RFX7: variants seen among roughly 807,000 people sequenced by gnomAD.
RFX7 encodes the protein DNA-binding protein RFX7.
Under a neutral mutation model 111.8 loss-of-function variants are expected in RFX7, and 26 were observed. The ratio of observed to expected loss-of-function variants is 0.23; its 90% CI spans 0.17 to 0.32. RFX7 has a LOEUF of 0.32. RFX7 is among the 10% of genes least tolerant of loss of function. The pLI is 1.00. For missense variants in RFX7, 1,573 were observed against 1,772.9 expected (o/e 0.89, Z 2.02); for synonymous variants, 624 against 624.4 (o/e 1.00, Z 0.01).
At chr15:56,137,315 T>G (rs1473439744) in intron 5 of RFX7, among the ~76,000 whole-genome samples, 23 of 152,276 alleles carry the variant, frequency 1.5e-4, no homozygotes, top group Middle Eastern at 3.4e-3. Flanking sequence ...TCTATTCAGA[T>G]ATTCAACTTC....
intron 7 of RFX7, among the ~76,000 whole-genome samples, chr15:56,101,808 G>A (rs934533120): frequency 2.6e-5 from 4 of 152,174 alleles, no homozygotes; most frequent in African/African-American, 9.7e-5. Flanking sequence ...CATACAAGAA[G>A]ACTGATGTTT....
intron 5 of RFX7, 84 bp from the exon 6 acceptor site, chr15:56,103,754 CT>C: frequency 1.3e-6 from 1 of 794,850 alleles, no homozygotes; most frequent in Non-Finnish European, 2.0e-6. Context: ...TTTGATCCTT[CT>C]GACAAAGTGA....
intron 3 of RFX7, among the ~76,000 whole-genome samples, chr15:56,166,780 G>A (rs1218481640): frequency 2.6e-5 from 4 of 151,950 alleles, no homozygotes; most frequent in African/African-American, 7.3e-5. Flanking sequence ...AAAGAGATGG[G>A]GTCTTGCTCT....
chr15:56,121,457 A>C (rs1386821002), intron 5 of RFX7, among the ~76,000 whole-genome samples: 4 of 152,194 alleles, frequency 2.6e-5, no homozygotes, highest in Admixed American at 2.0e-4. Context: ...ATAGGGGTCT[A>C]TCAAGGTCCT....
chr15:56,110,301 C>T (rs1332121466), intron 5 of RFX7, among the ~76,000 whole-genome samples: 2 of 76,808 alleles, frequency 2.6e-5, no homozygotes, highest in Admixed American at 1.2e-4. Flanking sequence ...GCCAGCCGCC[C>T]CGTCCGGGAG....
At chr15:56,184,205 T>TTC (rs1356632972) in intron 2 of RFX7, among the ~76,000 whole-genome samples, 1 of 145,990 alleles carries the variant, frequency 6.8e-6, no homozygotes, top group East Asian at 2.0e-4. Flanking sequence ...TTTTTTTTTT[T>TTC]TTTTTTTTTT....
intron 5 of RFX7, among the ~76,000 whole-genome samples, chr15:56,117,608 T>G (rs1286722160): frequency 6.6e-6 from 1 of 152,114 alleles, no homozygotes; most frequent in Non-Finnish European, 1.5e-5. Flanking sequence ...TTTGTATCCT[T>G]TAACCACTCT....
At chr15:56,140,537 A>T (rs2042377694) in intron 5 of RFX7, among the ~76,000 whole-genome samples, 2 of 152,134 alleles carry the variant, frequency 1.3e-5, no homozygotes, top group Admixed American at 1.3e-4. Flanking sequence ...AGTGAGATGA[A>T]CCCAGTACCT....
At chr15:56,175,033 T>A (rs1422465069) in intron 3 of RFX7, among the ~76,000 whole-genome samples, 1 of 152,160 alleles carries the variant, frequency 6.6e-6, no homozygotes, top group African/African-American at 2.4e-5. Context: ...AAAACTCTTT[T>A]TATTCGTAGA....
intron 2 of RFX7, among the ~76,000 whole-genome samples, chr15:56,227,316 GAC>G (rs2043495939): frequency 6.6e-6 from 1 of 152,136 alleles, no homozygotes; most frequent in Admixed American, 6.5e-5. Context: ...TATCCACTCT[GAC>G]AGTCTTTTAA....
At chr15:56,188,050 T>A (rs1463162558) in intron 2 of RFX7, among the ~76,000 whole-genome samples, 1 of 152,166 alleles carries the variant, frequency 6.6e-6, no homozygotes, top group African/African-American at 2.4e-5. Flanking sequence ...TATAAACATG[T>A]TCAAGTATTT....
chr15:56,120,959 A>G (rs1300886984), intron 5 of RFX7, among the ~76,000 whole-genome samples: 6 of 152,210 alleles, frequency 3.9e-5, no homozygotes, highest in African/African-American at 7.2e-5. Context: ...TGACTTGAAA[A>G]GTTGTGTAGT....
At chr15:56,126,563 G>A (rs1224020462) in intron 5 of RFX7, among the ~76,000 whole-genome samples, 1 of 152,144 alleles carries the variant, frequency 6.6e-6, no homozygotes, top group Non-Finnish European at 1.5e-5. Context: ...TACTTTATCA[G>A]TAATTACATT....
chr15:56,160,102 G>A (rs1295389618), intron 3 of RFX7, among the ~76,000 whole-genome samples: 2 of 152,136 alleles, frequency 1.3e-5, no homozygotes, highest in Non-Finnish European at 2.9e-5. Context: ...GGGAAGGGCT[G>A]ATGCTTATAA....
In RFX7 at chr15:56,199,391, T is replaced by C. The variant is rs530149149; in HGVS notation, c.162-20088A>G. On this transcript the variant is annotated intron_variant, in intron 2 of 9. Transcript: ENST00000559447. ...TTGCTCCAAATGCTGAATTTTACCA[T>C]TGTAATATTTAAAAATAGCTAATTT... is the stretch of plus-strand genomic sequence containing the variant. Among the ~76,000 whole-genome samples the C allele has an allele frequency of 9.3e-4, 142 of 152,296 alleles. 1 individual carries two copies. The highest frequency in any genetic ancestry group is 2.3e-3 in the African/African-American group (94 of 41,540).
At chr15:56,165,172 C>A (rs2042768965) in intron 3 of RFX7, among the ~76,000 whole-genome samples, 1 of 152,184 alleles carries the variant, frequency 6.6e-6, no homozygotes, top group African/African-American at 2.4e-5. Context: ...GGAGCTCAGG[C>A]AGTAATGCTT....
At position 56,243,806 on chromosome 15, in the gene RFX7, C is replaced by G. The variant is rs368451854; in HGVS notation, c.-364G>C. Among the ~76,000 whole-genome samples, 1 of 147,572 alleles carries G rather than the reference C, an allele frequency of 6.8e-6. No individual in the cohort carries two copies. The highest frequency in any genetic ancestry group is 1.5e-5 in the Non-Finnish European group (1 of 66,232). On this transcript the variant is annotated 5_prime_UTR_variant, in exon 1 of 10. Transcript: ENST00000559447. ...CCCCACGCCGCCGCCGCCGCCGCCGCTCGCTCCCGGCCCCGCCGCCGCCGC... is the reference window on the plus strand; with the variant it reads ...CCCCACGCCGCCGCCGCCGCCGCCGGTCGCTCCCGGCCCCGCCGCCGCCGC...
At chr15:56,111,661 C>CAAAAAAAAAAAAAAAAAAAAAAAAA (rs371681721) in intron 5 of RFX7, among the ~76,000 whole-genome samples, 1 of 95,576 alleles carries the variant, frequency 1.0e-5, no homozygotes, top group Non-Finnish European at 2.0e-5. Context: ...ATAAATAAAC[C>CAAAAAAAAAAAAAAAAAAAAAAAAA]AAAAAAAAAA....
rs1488850526 is a variant in RFX7, at chr15:56,087,780, T to C, written c.*5565A>G. 1 of 344,450 alleles carries C rather than the reference T, an allele frequency of 2.9e-6. No homozygotes were observed. The highest frequency in any genetic ancestry group is 2.3e-5 in the South Asian group (1 of 44,314). 21.3% of individuals were successfully genotyped at this position (344,450 alleles called of 1,614,324 possible). ...TATTGCAAAATTTCAAAATGGCAGG[T>C]GTCTTCTCTAGCACCTTGTACAGAG... On this transcript the variant is annotated 3_prime_UTR_variant, in exon 10 of 10. Coordinates refer to ENST00000559447, the MANE Select transcript of RFX7 (RefSeq NM_022841.7).
Sources: allele counts gnomAD v4.1 joint callset (sites outside exome capture counted in the v4.1 genomes callset), GRCh38; gene constraint gnomAD v4.1.1; transcripts MANE v1.5; gene names NCBI Gene and HGNC (gene_info 2026-07-23, HGNC 2026-07-21).